The following ATP8B1 variants were observed in gnomAD, a reference collection of about 807,000 sequenced individuals.
ATP8B1 encodes phospholipid-transporting ATPase IC.
In ATP8B1, 80 loss-of-function variants were observed where a neutral mutation model predicts 149.9. The ratio of observed to expected loss-of-function variants is 0.53; its 90% CI spans 0.45 to 0.64. ATP8B1 has a LOEUF of 0.64. ATP8B1 is among the 30% of genes least tolerant of loss of function. The probability of loss-of-function intolerance (pLI) is 0.00; values close to 1 mark genes in which losing one functional copy is unlikely to be tolerated. For missense variants in ATP8B1, 1,247 were observed against 1,552.6 expected (o/e 0.80, Z 3.31); for synonymous variants, 536 against 562.8 (o/e 0.95, Z 0.67).
chr18:57,753,699 G>A (rs9946153), intron 1 of ATP8B1, among the ~76,000 whole-genome samples: 2,236 of 151,890 alleles, frequency 0.015, 44 homozygotes, highest in African/African-American at 0.051. Context: ...AGGCTGAGGC[G>A]GGCAGATCAC....
At chr18:57,674,445 C>T (rs975682757) in intron 16 of ATP8B1, among the ~76,000 whole-genome samples, 6 of 135,372 alleles carry the variant, frequency 4.4e-5, no homozygotes, top group African/African-American at 1.4e-4. Context: ...AATGCAGTGG[C>T]GCGATGTCGG....
chr18:57,689,804 T>C (rs954325811), intron 12 of ATP8B1, among the ~76,000 whole-genome samples: 6 of 152,036 alleles, frequency 3.9e-5, no homozygotes, highest in African/African-American at 1.4e-4. Context: ...GATCATGAGG[T>C]CAGGAGTTCA....
At chr18:57,693,231 A>G (rs8093085) in intron 11 of ATP8B1, among the ~76,000 whole-genome samples, 75 of 152,264 alleles carry the variant, frequency 4.9e-4, no homozygotes, top group African/African-American at 1.6e-3. Context: ...ACTTGAAAAA[A>G]TTTTTCATTG....
At chr18:57,751,874 T>A (rs1599192611) in intron 1 of ATP8B1, among the ~76,000 whole-genome samples, 1 of 152,120 alleles carries the variant, frequency 6.6e-6, no homozygotes, top group Non-Finnish European at 1.5e-5. Context: ...GCATTATGGC[T>A]TGTATTGTGG....
chr18:57,697,338 C>T (rs2122908340), intron 8 of ATP8B1, among the ~76,000 whole-genome samples: 1 of 152,194 alleles, frequency 6.6e-6, no homozygotes, highest in Admixed American at 6.5e-5. Flanking sequence ...ATAATAACCT[C>T]GATATTATTC....
intron 1 of ATP8B1, among the ~76,000 whole-genome samples, chr18:57,777,685 C>T (rs1340907023): frequency 1.3e-5 from 2 of 152,174 alleles, no homozygotes; most frequent in Non-Finnish European, 2.9e-5. Context: ...CCTCCCACCT[C>T]GGCTTCTCAA....
At position 57,669,336 on chromosome 18, in the gene ATP8B1, C is replaced by T; in HGVS notation, c.2079G>A (p.Glu693=). The T allele has an allele frequency of 6.3e-7, 1 of 1,597,844 alleles. No homozygotes were observed. Among genetic ancestry groups the T allele is most frequent in the Non-Finnish European group, 8.5e-7 (1 of 1,174,246 alleles). The change falls in exon 18 of 28, where the codon GAG becomes GAA. Residue 693 remains glutamate, a synonymous_variant. Transcript: ENST00000648908. ...AACTCACAATTAAGTCTTTTTCAAT[C>T]TCCTCATATACTTTATCCAGAGCTT... ...RDEALDKVYE[E]IEKDLILLGA...
Position 57,778,222 on chromosome 18 carries a change from CTT to C in ATP8B1, c.-26+24774_-26+24775del, listed in dbSNP as rs200469930. Among the ~76,000 whole-genome samples, 128 of 94,956 alleles carry C rather than the reference CTT, an allele frequency of 1.3e-3. 3 individuals are homozygous for C. Among genetic ancestry groups the C allele is most frequent in the East Asian group, 6.3e-3 (14 of 2,208 alleles). 62.3% of individuals were successfully genotyped at this position (94,956 alleles called of 152,430 possible). A position where few individuals can be genotyped will look rare whatever the true frequency, so the allele number is the denominator to read the frequency against. On this transcript the variant is annotated intron_variant, in intron 1 of 27. Coordinates refer to ENST00000648908, the MANE Select transcript of ATP8B1 (RefSeq NM_001374385.1). ...GTATTTATAATCTCAGTTTCTTTTT[CTT>C]TTTCTTTTTTTTTTTTTTTGAGACG...
At chr18:57,684,795 G>A (rs1198521735) in intron 14 of ATP8B1, among the ~76,000 whole-genome samples, 2 of 152,130 alleles carry the variant, frequency 1.3e-5, no homozygotes, top group East Asian at 3.9e-4. Flanking sequence ...ACTCAATTAG[G>A]GTAGGTCCTA....
chr18:57,702,960 C>T (rs80174992), intron 4 of ATP8B1, among the ~76,000 whole-genome samples: 7,723 of 152,186 alleles, frequency 0.051, 255 homozygotes, highest in South Asian at 0.14. Context: ...CTCCTCTTCC[C>T]TGCTAGAAGG....
At chr18:57,706,100 A>G (rs1913375891) in intron 3 of ATP8B1, among the ~76,000 whole-genome samples, 1 of 152,196 alleles carries the variant, frequency 6.6e-6, no homozygotes, top group African/African-American at 2.4e-5. Context: ...TTTTGAGTCA[A>G]AAATATGTTT....
Position 57,697,625 on chromosome 18 carries a change from G to T in ATP8B1, c.691C>A (p.Leu231Met), listed in dbSNP as rs912699191. The change falls in exon 8 of 28, where the codon CTG (leucine) becomes ATG (methionine). Residue 231 changes from leucine (L) to methionine (M), a missense_variant. Transcript: ENST00000648908. ...CCATCGAGACACACTTACCCATCCAGTTCTGCTGTTTCCACATAGCAGAGG... is the reference window on the plus strand; with the variant it reads ...CCATCGAGACACACTTACCCATCCATTTCTGCTGTTTCCACATAGCAGAGG... ...NSLCYVETAELDGETNLKFKM... is the reference protein window; with the variant it reads ...NSLCYVETAEMDGETNLKFKM... 6.2e-7 allele frequency: 1 copy of T among 1,613,826 alleles called. No homozygotes were observed. The highest frequency in any genetic ancestry group is 8.5e-7 in the Non-Finnish European group (1 of 1,179,880).
chr18:57,717,547 CAAAAAAAAAAAAAAAAAAAAAAAAAA>C (rs1163024544), intron 2 of ATP8B1, among the ~76,000 whole-genome samples: 20 of 19,928 alleles, frequency 1.0e-3, no homozygotes, highest in Middle Eastern at 0.071. Flanking sequence ...GACTCTGTCT[CAAAAAAAAAAAAAAAAAAAAAAAAAA>C]AAAAAAAAAA....
At position 57,780,841 on chromosome 18, in the gene ATP8B1, G is replaced by A. The variant is rs780139601; in HGVS notation, c.-26+22157C>T. On this transcript the variant is annotated intron_variant, in intron 1 of 27. Coordinates refer to ENST00000648908, the MANE Select transcript of ATP8B1 (RefSeq NM_001374385.1). The stretch of plus-strand genomic sequence containing the variant: ...TGTTTTTCCAGCATGCCTGCCCCTC[G>A]TCCTGACATAACTGATTAGGAAATG... 4.8e-4 allele frequency among the ~76,000 whole-genome samples: 73 copies of A among 152,172 alleles called. 1 individual carries two copies. Among genetic ancestry groups the A allele is most frequent in the African/African-American group, 1.6e-3 (68 of 41,512 alleles).
chr18:57,708,266 C>T (rs540258781), intron 2 of ATP8B1, among the ~76,000 whole-genome samples: 5 of 151,470 alleles, frequency 3.3e-5, no homozygotes, highest in South Asian at 2.1e-4. Flanking sequence ...ACATTTTTCT[C>T]GCATCATTTT....
intron 1 of ATP8B1, chr18:57,737,963 C>G (rs1394748685): frequency 2.0e-5 from 3 of 152,250 alleles, no homozygotes; most frequent in Non-Finnish European, 2.9e-5. Context: ...GAAATGTCCT[C>G]AACTCGACTT....
In ATP8B1 at chr18:57,732,099, A is replaced by ATATATATGTATATATGTATATATATG. The variant is rs1568043839; in HGVS notation, c.-25-268_-25-267insCATATATATACATATATACATATATA. On this transcript the variant is annotated intron_variant, in intron 1 of 27. Transcript: ENST00000648908. Reference sequence around the variant, plus strand: ...AGGGTATATATATATATGTATGTGTATATATATATGTATATATGTATATAT... The same window carrying ATATATATGTATATATGTATATATATG: ...AGGGTATATATATATATGTATGTGTATATATATGTATATATGTATATATATGTATATATATGTATATATGTATATAT... 2.6e-5 allele frequency: 3 copies of ATATATATGTATATATGTATATATATG among 113,564 alleles called. 1 individual carries two copies. The highest frequency in any genetic ancestry group is 1.4e-4 in the African/African-American group (3 of 21,896). The allele number at this position is 113,564 out of a possible 1,614,324, so 7.0% of individuals were successfully genotyped here.
At chr18:57,757,164 A>G (rs562846914) in intron 1 of ATP8B1, among the ~76,000 whole-genome samples, 151 of 152,290 alleles carry the variant, frequency 9.9e-4, no homozygotes, top group African/African-American at 3.4e-3. Flanking sequence ...TTTTTCTCCA[A>G]TGGCATATAA....
At chr18:57,725,121 G>T (rs796101372) in intron 2 of ATP8B1, among the ~76,000 whole-genome samples, 1,121 of 109,520 alleles carry the variant, frequency 0.01, 20 homozygotes, top group African/African-American at 0.035. Context: ...GGAGGGGGGA[G>T]GGATAGCATT....
Sources: gnomAD v4.1 joint callset for allele counts (sites outside exome capture counted in the v4.1 genomes callset) on GRCh38, gnomAD v4.1.1 for gene constraint, MANE v1.5 for transcripts, NCBI Gene and HGNC (gene_info 2026-07-23, HGNC 2026-07-21) for gene names.